BCL7B: variants seen among roughly 807,000 people sequenced by gnomAD.
The protein encoded by BCL7B is B-cell CLL/lymphoma 7 protein family member B.
BCL7B carries 11 observed loss-of-function variants against 26.5 expected under a neutral mutation model. That is an observed-to-expected ratio of 0.42 (90% confidence interval 0.26 to 0.69). The LOEUF (loss-of-function observed/expected upper bound fraction) is 0.69, where lower values mean the gene tolerates loss of function less well. Ranked by LOEUF, BCL7B falls within the 30% of genes least tolerant of loss-of-function variation. The probability of loss-of-function intolerance (pLI) is 0.28; values close to 1 mark genes in which losing one functional copy is unlikely to be tolerated. For missense variants in BCL7B, 215 were observed against 264.4 expected, an observed-to-expected ratio of 0.81 and a Z score of 1.30; for synonymous variants, 111 against 107.9, an observed-to-expected ratio of 1.03 and a Z score of -0.18.
At position 73,557,581 on chromosome 7, in the gene BCL7B, CGGCGGCGGG is replaced by C; in HGVS notation, c.-12_-4del. Reference sequence around the variant, plus strand: ...GCCCGGACCGACCGGCCCGACATGGCGGCGGCGGGAGCGGCGGGGGCCGGGGCACTGCTC... The same window carrying C: ...GCCCGGACCGACCGGCCCGACATGGCAGCGGCGGGGGCCGGGGCACTGCTC... On this transcript the variant is annotated 5_prime_UTR_variant, in exon 1 of 6. Transcript: ENST00000223368. 1.5e-6 allele frequency: 2 copies of C among 1,307,146 alleles called. No homozygotes were observed. Among genetic ancestry groups the C allele is most frequent in the Non-Finnish European group, 2.0e-6 (2 of 1,014,260 alleles). The allele number at this position is 1,307,146 out of a possible 1,614,324, so 81.0% of individuals were successfully genotyped here.
intron 1 of BCL7B, among the ~76,000 whole-genome samples, chr7:73,555,555 G>A (rs565109137): frequency 5.5e-4 from 83 of 152,176 alleles, no homozygotes; most frequent in Non-Finnish European, 5.0e-4. Flanking sequence ...AACTCGGCAA[G>A]AGGGAGGAGA....
At chr7:73,548,554 T>G (rs1792040700) in intron 2 of BCL7B, among the ~76,000 whole-genome samples, 1 of 151,332 alleles carries the variant, frequency 6.6e-6, no homozygotes, top group South Asian at 2.1e-4. Context: ...GAGACAAAAG[T>G]AGAAGTAAAC....
chr7:73,557,148 T>G (rs2115844063), intron 1 of BCL7B: 1 of 1,007,610 alleles, frequency 9.9e-7, no homozygotes, highest in African/African-American at 1.7e-5. Context: ...GCGGGGCCAC[T>G]GCCCAGGAAG....
chr7:73,541,979 C>A (rs1385163513), intron 3 of BCL7B, among the ~76,000 whole-genome samples: 3 of 152,194 alleles, frequency 2.0e-5, no homozygotes, highest in African/African-American at 7.2e-5. Context: ...AAGCCTCAGA[C>A]CTCCCAACAC....
At chr7:73,544,929 T>C (rs1254519944) in intron 2 of BCL7B, among the ~76,000 whole-genome samples, 1 of 151,766 alleles carries the variant, frequency 6.6e-6, no homozygotes, top group Non-Finnish European at 1.5e-5. Context: ...TATGGTGGCA[T>C]AGGCTGGTGG....
chr7:73,543,802 C>G, intron 2 of BCL7B, 158 bp from the exon 3 acceptor site: 1 of 581,690 alleles, frequency 1.7e-6, no homozygotes, highest in South Asian at 2.0e-5. Context: ...AGAACAGAAT[C>G]CTGGACAAGC....
chr7:73,537,884 G>A (rs1791601587), intron 5 of BCL7B, 50 bp downstream of exon 5: 2 of 1,409,876 alleles, frequency 1.4e-6, no homozygotes, highest in African/African-American at 1.4e-5. Context: ...GCGAGACCCT[G>A]CCTTAAACCA....
At chr7:73,548,541 C>T (rs1792040207) in intron 2 of BCL7B, among the ~76,000 whole-genome samples, 2 of 152,034 alleles carry the variant, frequency 1.3e-5, no homozygotes, top group Admixed American at 1.3e-4. Context: ...CACTGGAGCC[C>T]AGGAGACAAA....
chr7:73,556,480 C>G (rs2115839680), intron 1 of BCL7B, among the ~76,000 whole-genome samples: 1 of 152,234 alleles, frequency 6.6e-6, no homozygotes, highest in South Asian at 2.1e-4. Context: ...CTAGCCAGAC[C>G]TGGGTTTTTA....
At chr7:73,554,296 G>A (rs937941460) in intron 1 of BCL7B, among the ~76,000 whole-genome samples, 4 of 151,854 alleles carry the variant, frequency 2.6e-5, no homozygotes, top group South Asian at 2.1e-4. Flanking sequence ...TTCCCTAAGC[G>A]TGCAGGCAGA....
rs192958014 is a variant in BCL7B at position 73,542,671 on chromosome 7, G to A, written c.265+877C>T. 2.3e-3 allele frequency among the ~76,000 whole-genome samples: 353 copies of A among 152,290 alleles called. 2 individuals carry two copies. Among genetic ancestry groups the A allele is most frequent in the African/African-American group, 8.3e-3 (346 of 41,568 alleles). Reference sequence around the variant, plus strand: ...AGTACCTAGCAGGTAGGTGTAAAAGGCAGTATCATGACTACGGTGATGATC... The same window carrying A: ...AGTACCTAGCAGGTAGGTGTAAAAGACAGTATCATGACTACGGTGATGATC... On this transcript the variant is annotated intron_variant, in intron 3 of 5. Transcript: ENST00000223368.
chr7:73,544,409 T>G (rs577402469), intron 2 of BCL7B, among the ~76,000 whole-genome samples: 1 of 150,596 alleles, frequency 6.6e-6, no homozygotes, highest in African/African-American at 2.4e-5. Context: ...CGAGACTCCA[T>G]CTAAAAAAAC....
intron 2 of BCL7B, among the ~76,000 whole-genome samples, chr7:73,549,623 G>C (rs1000043837): frequency 3.3e-5 from 5 of 152,136 alleles, no homozygotes; most frequent in Non-Finnish European, 7.4e-5. Context: ...TATCAGCCTA[G>C]GTTGACATAG....
At chr7:73,546,099 T>G (rs1393136522) in intron 2 of BCL7B, among the ~76,000 whole-genome samples, 4 of 143,342 alleles carry the variant, frequency 2.8e-5, no homozygotes, top group African/African-American at 5.3e-5. Flanking sequence ...GCCACTGCAC[T>G]CGAGCCTGGG....
At chr7:73,556,606 A>T (rs2115840447) in intron 1 of BCL7B, among the ~76,000 whole-genome samples, 1 of 152,272 alleles carries the variant, frequency 6.6e-6, no homozygotes, top group East Asian at 1.9e-4. Flanking sequence ...GATACTAAAC[A>T]GGGGCTCAAT....
intron 3 of BCL7B, among the ~76,000 whole-genome samples, chr7:73,543,247 G>A (rs1333414102): frequency 6.6e-6 from 1 of 151,838 alleles, no homozygotes; most frequent in Non-Finnish European, 1.5e-5. Flanking sequence ...CGCAATCTCG[G>A]CTCACCGCAA....
intron 1 of BCL7B, among the ~76,000 whole-genome samples, chr7:73,555,591 G>A (rs1340610364): frequency 2.0e-5 from 3 of 152,056 alleles, no homozygotes; most frequent in East Asian, 1.9e-4. Flanking sequence ...AATGCCAGGC[G>A]GCAGGAAGAG....
At chr7:73,552,454 C>T (rs1792209829) in intron 1 of BCL7B, among the ~76,000 whole-genome samples, 1 of 151,768 alleles carries the variant, frequency 6.6e-6, no homozygotes, top group African/African-American at 2.4e-5. Flanking sequence ...TTGAGAACAG[C>T]CTGGGCAATT....
At chr7:73,546,030 G>A (rs1262326825) in intron 2 of BCL7B, among the ~76,000 whole-genome samples, 1 of 151,752 alleles carries the variant, frequency 6.6e-6, no homozygotes, top group Non-Finnish European at 1.5e-5. Context: ...TACTTGGGAG[G>A]CTGAGGCAGG....
Sources: gnomAD v4.1 joint callset for allele counts (sites outside exome capture counted in the v4.1 genomes callset) on GRCh38, gnomAD v4.1.1 for gene constraint, MANE v1.5 for transcripts, NCBI Gene and HGNC (gene_info 2026-07-23, HGNC 2026-07-21) for gene names.